EPHA3: variants seen among roughly 807,000 people sequenced by gnomAD.
The protein encoded by EPHA3 is EPH receptor A3, also known as ephrin type-A receptor 3.
In EPHA3, 42 loss-of-function variants were observed where a neutral mutation model predicts 107.1. The ratio of observed to expected loss-of-function variants is 0.39; its 90% CI spans 0.31 to 0.51. EPHA3 has a LOEUF of 0.51. EPHA3 is among the 20% of genes least tolerant of loss of function. The pLI is 0.78. For missense variants in EPHA3, 1,183 were observed against 1,211.2 expected (o/e 0.98, Z 0.35); for synonymous variants, 461 against 424.8 (o/e 1.09, Z -1.05).
intron 5 of EPHA3, among the ~76,000 whole-genome samples, chr3:89,392,083 T>C (rs1708755306): frequency 6.6e-6 from 1 of 152,172 alleles, no homozygotes; most frequent in African/African-American, 2.4e-5. Context: ...TGTCATCAAC[T>C]TCTTTCTCTT....
intron 2 of EPHA3, among the ~76,000 whole-genome samples, chr3:89,186,323 C>T (rs1469476971): frequency 2.0e-5 from 3 of 151,998 alleles, no homozygotes; most frequent in Non-Finnish European, 4.4e-5. Context: ...TACCTCTGTT[C>T]ATTTTTATAA....
chr3:89,111,892 T>G (rs1228835855), intron 1 of EPHA3, among the ~76,000 whole-genome samples: 1 of 152,138 alleles, frequency 6.6e-6, no homozygotes, highest in Non-Finnish European at 1.5e-5. Context: ...ATAAACTCTT[T>G]TAGATATTAC....
intron 2 of EPHA3, among the ~76,000 whole-genome samples, chr3:89,153,035 C>T (rs1028063525): frequency 3.9e-5 from 6 of 151,942 alleles, no homozygotes; most frequent in Non-Finnish European, 7.4e-5. Flanking sequence ...TAGATTGCTA[C>T]AATAAAGCAT....
intron 3 of EPHA3, among the ~76,000 whole-genome samples, chr3:89,235,678 A>T (rs1411366320): frequency 1.3e-5 from 2 of 151,928 alleles, no homozygotes; most frequent in Non-Finnish European, 2.9e-5. Flanking sequence ...GTATCTATAA[A>T]CCTATTAAAA....
In EPHA3 at chr3:89,431,300, T is replaced by C; in HGVS notation, c.2287T>C (p.Ser763Pro). 6.2e-7 allele frequency: 1 copy of C among 1,613,818 alleles called. No individual in the cohort carries two copies. Among genetic ancestry groups the C allele is most frequent in the Non-Finnish European group, 8.5e-7 (1 of 1,179,936 alleles). Residue 763 changes from serine to proline, a missense_variant, in exon 13 of 17, where the codon TCT becomes CCT. Ser to Pro is a moderately conservative substitution (Grantham distance 74). Coordinates refer to ENST00000336596, the MANE Select transcript of EPHA3 (RefSeq NM_005233.6). The part of the protein sequence containing the change: ...LINSNLVCKV[S>P]DFGLSRVLED... ...CAACAGTAACTTGGTGTGTAAGGTT[T>C]CTGATTTCGGACTTTCGCGTGTCCT...
intron 3 of EPHA3, among the ~76,000 whole-genome samples, chr3:89,270,171 A>G (rs896700630): frequency 1.3e-5 from 2 of 152,100 alleles, no homozygotes; most frequent in African/African-American, 4.8e-5. Context: ...CATTAATTTA[A>G]TGTATTAAGG....
chr3:89,273,544 A>C (rs764798337), intron 3 of EPHA3, among the ~76,000 whole-genome samples: 1 of 151,906 alleles, frequency 6.6e-6, no homozygotes, highest in Admixed American at 6.6e-5. Flanking sequence ...AAAATATGCC[A>C]AGAGTGAGAA....
At chr3:89,187,140 AT>A (rs1705585889) in intron 2 of EPHA3, among the ~76,000 whole-genome samples, 1 of 151,554 alleles carries the variant, frequency 6.6e-6, no homozygotes, top group Non-Finnish European at 1.5e-5. Context: ...GAATATTTTT[AT>A]GTTCATATCC....
Position 89,305,279 on chromosome 3 carries a change from C to A in EPHA3, c.815-35637C>A, listed in dbSNP as rs929174242. Among the ~76,000 whole-genome samples, 8 of 152,100 alleles carry A rather than the reference C, an allele frequency of 5.3e-5. No individual in the cohort carries two copies. The East Asian group carries it at 1.5e-3, about 29-fold the overall frequency. ...CAACATGATGAGTTATTTATCATAG[C>A]AAATAAAAATTATCATTTAATGAAA... On this transcript the variant is annotated intron_variant, in intron 3 of 16. Transcript: ENST00000336596.
At chr3:89,193,061 A>T in intron 2 of EPHA3, among the ~76,000 whole-genome samples, 1 of 152,140 alleles carries the variant, frequency 6.6e-6, no homozygotes, top group East Asian at 1.9e-4. Context: ...ACAAAAATTT[A>T]TCTGGATAGT....
At chr3:89,240,795 A>T (rs1704877039) in intron 3 of EPHA3, among the ~76,000 whole-genome samples, 1 of 152,108 alleles carries the variant, frequency 6.6e-6, no homozygotes, top group Non-Finnish European at 1.5e-5. Context: ...AATAACAGAA[A>T]GCACAACTGA....
chr3:89,413,011 C>A, intron 9 of EPHA3, 130 bp from the exon 10 acceptor site: 1 of 1,213,460 alleles, frequency 8.2e-7, no homozygotes, highest in Non-Finnish European at 1.1e-6. Context: ...TGTGATACTA[C>A]AGAATAAACT....
At chr3:89,364,688 T>G (rs551937552) in intron 5 of EPHA3, among the ~76,000 whole-genome samples, 1 of 142,684 alleles carries the variant, frequency 7.0e-6, no homozygotes, top group East Asian at 1.9e-4. Context: ...TTATGCAAAT[T>G]TAAGATATTG....
chr3:89,163,705 G>C (rs1471498877), intron 2 of EPHA3, among the ~76,000 whole-genome samples: 3 of 152,164 alleles, frequency 2.0e-5, no homozygotes, highest in African/African-American at 7.2e-5. Context: ...AGACAAGATT[G>C]TGAGCTGTGG....
chr3:89,364,546 A>T (rs1383095672), intron 5 of EPHA3, among the ~76,000 whole-genome samples: 1 of 151,224 alleles, frequency 6.6e-6, no homozygotes, highest in African/African-American at 2.4e-5. Flanking sequence ...TGCTTCCATG[A>T]ACTGCCTGGC....
chr3:89,280,025 CTGTG>C (rs59488710), intron 3 of EPHA3, among the ~76,000 whole-genome samples: 2,553 of 144,554 alleles, frequency 0.018, 29 homozygotes, highest in East Asian at 0.05. Context: ...TTGTGTGCAC[CTGTG>C]TGTGTGTGTG....
At chr3:89,451,054 A>G (rs1709976473) in intron 15 of EPHA3, among the ~76,000 whole-genome samples, 1 of 152,244 alleles carries the variant, frequency 6.6e-6, no homozygotes, top group Admixed American at 6.5e-5. Flanking sequence ...AGTTAATTAA[A>G]CAAATATTTG....
At chr3:89,295,566 C>A (rs1382459729) in intron 3 of EPHA3, among the ~76,000 whole-genome samples, 4 of 152,056 alleles carry the variant, frequency 2.6e-5, no homozygotes, top group Non-Finnish European at 4.4e-5. Flanking sequence ...GTGTAATATT[C>A]TAAATCCTTT....
chr3:89,449,499 T>A, intron 14 of EPHA3, 125 bp downstream of exon 14: 1 of 773,574 alleles, frequency 1.3e-6, no homozygotes, highest in Non-Finnish European at 1.9e-6. Context: ...TTAGCAGCAA[T>A]GAAACTGTTT....
Sources: allele counts gnomAD v4.1 joint callset (sites outside exome capture counted in the v4.1 genomes callset), GRCh38; gene constraint gnomAD v4.1.1; transcripts MANE v1.5; gene names NCBI Gene and HGNC (gene_info 2026-07-23, HGNC 2026-07-21).